Variants in ERBB4 observed in about 807,000 individuals in gnomAD.
ERBB4 encodes erb-b2 receptor tyrosine kinase 4.
In ERBB4, 42 loss-of-function variants were observed where a neutral mutation model predicts 158.0. The observed-to-expected ratio is 0.27, with a 90% confidence interval of 0.21 to 0.34. ERBB4 has a LOEUF of 0.34. Among genes scored for constraint, ERBB4 ranks in the 10% least tolerant of loss-of-function variants. The pLI is 1.00. For synonymous variants in ERBB4, 583 were observed against 558.7 expected, an observed-to-expected ratio of 1.04 and a Z score of -0.61; for missense variants, 1,333 against 1,624.1, an observed-to-expected ratio of 0.82 and a Z score of 3.08.
chr2:211,698,092 G>A (rs184064240), intron 12 of ERBB4, among the ~76,000 whole-genome samples: 47 of 152,118 alleles, frequency 3.1e-4, no homozygotes, highest in African/African-American at 9.9e-4. Context: ...CGAGGCGGGC[G>A]GATCACCTGA....
intron 1 of ERBB4, among the ~76,000 whole-genome samples, chr2:212,137,687 C>A (rs1005817457): frequency 6.6e-6 from 1 of 152,116 alleles, no homozygotes; most frequent in South Asian, 2.1e-4. Context: ...TGGGCATATA[C>A]CCAGTAATGC....
At chr2:211,807,641 T>C (rs1472688985) in intron 3 of ERBB4, among the ~76,000 whole-genome samples, 1 of 152,212 alleles carries the variant, frequency 6.6e-6, no homozygotes. Context: ...CGATGTATAA[T>C]CCTTTGGGTA....
chr2:212,162,670 C>CA (rs890639794), intron 1 of ERBB4, among the ~76,000 whole-genome samples: 2 of 151,546 alleles, frequency 1.3e-5, no homozygotes, highest in Non-Finnish European at 1.5e-5. Flanking sequence ...TTTTAATGTA[C>CA]AAAAAATGAA....
intron 20 of ERBB4, among the ~76,000 whole-genome samples, chr2:211,528,690 GAAT>G (rs1331322449): frequency 6.6e-6 from 1 of 151,848 alleles, no homozygotes; most frequent in Non-Finnish European, 1.5e-5. Flanking sequence ...AACTAGACAT[GAAT>G]AATGAGAGAA....
intron 20 of ERBB4, among the ~76,000 whole-genome samples, chr2:211,554,212 G>C (rs2067178138): frequency 6.6e-6 from 1 of 152,214 alleles, no homozygotes; most frequent in Non-Finnish European, 1.5e-5. Context: ...TCAGGAGTCA[G>C]AGTTATCTGG....
intron 1 of ERBB4, among the ~76,000 whole-genome samples, chr2:212,453,397 C>A (rs1481590120): frequency 1.3e-5 from 2 of 152,148 alleles, no homozygotes; most frequent in Non-Finnish European, 2.9e-5. Context: ...TGCACCCAAG[C>A]TATATCTAGC....
At chr2:212,425,565 A>G (rs917506010) in intron 1 of ERBB4, among the ~76,000 whole-genome samples, 20 of 151,664 alleles carry the variant, frequency 1.3e-4, no homozygotes, top group African/African-American at 4.8e-4. Context: ...ATATTTTAAC[A>G]TAATTGCAAT....
intron 3 of ERBB4, among the ~76,000 whole-genome samples, chr2:211,789,012 A>C (rs1441354235): frequency 1.3e-5 from 2 of 152,182 alleles, no homozygotes; most frequent in African/African-American, 2.4e-5. Context: ...TGTCCTCCAC[A>C]AACAATGACT....
intron 1 of ERBB4, among the ~76,000 whole-genome samples, chr2:212,466,916 GGC>G (rs1560407140): frequency 1.4e-4 from 21 of 152,204 alleles, no homozygotes; most frequent in Non-Finnish European, 2.4e-4. Flanking sequence ...ATAAAGTTCA[GGC>G]TGAGGTGGTT....
intron 1 of ERBB4, among the ~76,000 whole-genome samples, chr2:212,355,818 GTGTGTATATATA>G (rs964767374): frequency 3.3e-5 from 5 of 151,736 alleles, no homozygotes; most frequent in Admixed American, 1.3e-4. Context: ...GTATGTGTGA[GTGTGTATATATA>G]TGTGTATATA....
At chr2:212,053,730 C>A (rs1327955210) in intron 2 of ERBB4, among the ~76,000 whole-genome samples, 5 of 152,162 alleles carry the variant, frequency 3.3e-5, no homozygotes, top group Non-Finnish European at 7.3e-5. Flanking sequence ...TCCGTGGACT[C>A]CCCAAGCTAT....
At chr2:211,404,499 T>A (rs1391996171) in intron 25 of ERBB4, among the ~76,000 whole-genome samples, 1 of 152,154 alleles carries the variant, frequency 6.6e-6, no homozygotes, top group Non-Finnish European at 1.5e-5. Context: ...TCAATGTCCC[T>A]CAATTTAACC....
intron 20 of ERBB4, among the ~76,000 whole-genome samples, chr2:211,497,140 G>A (rs1000065754): frequency 6.6e-6 from 1 of 152,058 alleles, no homozygotes; most frequent in South Asian, 2.1e-4. Flanking sequence ...TATAAATGTT[G>A]TTATAAAAAT....
chr2:212,480,619 T>C (rs895548486), intron 1 of ERBB4, among the ~76,000 whole-genome samples: 4 of 152,228 alleles, frequency 2.6e-5, no homozygotes, highest in Admixed American at 6.5e-5. Context: ...TGAATTGTAG[T>C]GTGCTGTTGC....
chr2:212,306,394 C>G (rs369521411), intron 1 of ERBB4, among the ~76,000 whole-genome samples: 1 of 151,426 alleles, frequency 6.6e-6, no homozygotes, highest in Admixed American at 6.6e-5. Flanking sequence ...ACAGGAAACT[C>G]CTGCATGATG....
intron 19 of ERBB4, among the ~76,000 whole-genome samples, chr2:211,603,685 C>T (rs997132927): frequency 1.3e-5 from 2 of 152,170 alleles, no homozygotes; most frequent in African/African-American, 4.8e-5. Context: ...CATCAGCAGC[C>T]ATTTTGAAAA....
intron 1 of ERBB4, among the ~76,000 whole-genome samples, chr2:212,304,367 A>C (rs1043016912): frequency 2.8e-4 from 42 of 151,542 alleles, no homozygotes; most frequent in African/African-American, 9.9e-4. Flanking sequence ...ACTTTGTTCA[A>C]TGTCTTAGAA....
At chr2:212,431,824 T>C (rs1031581080) in intron 1 of ERBB4, among the ~76,000 whole-genome samples, 2 of 152,160 alleles carry the variant, frequency 1.3e-5, no homozygotes, top group African/African-American at 4.8e-5. Context: ...CCTCAGATCT[T>C]TACTCAAATG....
intron 20 of ERBB4, among the ~76,000 whole-genome samples, chr2:211,537,263 A>G (rs893877587): frequency 2.0e-5 from 3 of 152,016 alleles, no homozygotes; most frequent in African/African-American, 7.2e-5. Flanking sequence ...GCTTATAATG[A>G]TGTTTATAAA....
Sources: gnomAD v4.1 joint callset for allele counts (sites outside exome capture counted in the v4.1 genomes callset) on GRCh38, gnomAD v4.1.1 for gene constraint, MANE v1.5 for transcripts, NCBI Gene and HGNC (gene_info 2026-07-23, HGNC 2026-07-21) for gene names.